The following WASL variants were observed in gnomAD, a reference collection of about 807,000 sequenced individuals.
WASL encodes the protein actin nucleation-promoting factor WASL.
Under a neutral mutation model 55.5 loss-of-function variants are expected in WASL, and 20 were observed. The observed-to-expected ratio is 0.36, with a 90% CI of 0.25 to 0.52. The LOEUF (loss-of-function observed/expected upper bound fraction) is 0.52, where lower values mean the gene tolerates loss of function less well. Among genes scored for constraint, WASL ranks in the 20% least tolerant of loss-of-function variants. The pLI is 0.92. For missense variants in WASL, 504 were observed against 622.5 expected, an observed-to-expected ratio of 0.81 and a Z score of 2.03; for synonymous variants, 249 against 217.6, an observed-to-expected ratio of 1.14 and a Z score of -1.27.
chr7:123,742,717 TCTA>T (rs1804364740), intron 1 of WASL, among the ~76,000 whole-genome samples: 2 of 152,198 alleles, frequency 1.3e-5, no homozygotes, highest in Non-Finnish European at 2.9e-5. Flanking sequence ...AGTTGGTAAT[TCTA>T]CTACTAATGC....
intron 10 of WASL, among the ~76,000 whole-genome samples, chr7:123,684,961 C>T (rs149057453): frequency 2.2e-4 from 34 of 152,088 alleles, no homozygotes; most frequent in African/African-American, 7.9e-4. Flanking sequence ...TCTTTTCCTG[C>T]TCCATCCTGG....
intron 7 of WASL, 127 bp downstream of exon 7, chr7:123,695,696 C>G: frequency 2.4e-6 from 2 of 838,610 alleles, no homozygotes; most frequent in South Asian, 1.7e-5. Flanking sequence ...CAGTTGTATA[C>G]ATACATAAAA....
At chr7:123,717,224 C>A (rs10251513) in intron 1 of WASL, among the ~76,000 whole-genome samples, 3,005 of 152,202 alleles carry the variant, frequency 0.02, 98 homozygotes, top group African/African-American at 0.068. Context: ...GGAAAAACTC[C>A]AAACAGACAT....
At chr7:123,688,535 T>C (rs181118243) in intron 10 of WASL, among the ~76,000 whole-genome samples, 1 of 152,220 alleles carries the variant, frequency 6.6e-6, no homozygotes, top group East Asian at 1.9e-4. Context: ...AACTTTTTTG[T>C]ATTTTTAGTA....
At chr7:123,688,044 T>G (rs1803323958) in intron 10 of WASL, among the ~76,000 whole-genome samples, 1 of 152,180 alleles carries the variant, frequency 6.6e-6, no homozygotes, top group African/African-American at 2.4e-5. Flanking sequence ...AGAGATTAAA[T>G]AAATCTAAGA....
At chr7:123,725,723 A>C (rs1055126075) in intron 1 of WASL, among the ~76,000 whole-genome samples, 1 of 152,172 alleles carries the variant, frequency 6.6e-6, no homozygotes, top group Non-Finnish European at 1.5e-5. Flanking sequence ...CCGTTGTCAC[A>C]GAGGTAGAAA....
intron 1 of WASL, among the ~76,000 whole-genome samples, chr7:123,728,763 G>A (rs1270800138): frequency 6.6e-6 from 1 of 151,980 alleles, no homozygotes; most frequent in African/African-American, 2.4e-5. Flanking sequence ...TTGAACGTGG[G>A]TGGCGGAGTT....
intron 5 of WASL, among the ~76,000 whole-genome samples, chr7:123,699,303 G>A (rs1803540499): frequency 1.3e-5 from 2 of 152,134 alleles, no homozygotes; most frequent in South Asian, 2.1e-4. Flanking sequence ...ACTTGAACCT[G>A]GGAGGCAGAG....
At chr7:123,708,668 G>A (rs558142621) in intron 2 of WASL, among the ~76,000 whole-genome samples, 1 of 152,154 alleles carries the variant, frequency 6.6e-6, no homozygotes, top group African/African-American at 2.4e-5. Flanking sequence ...ATATTGAAAT[G>A]TTTTAAACCT....
intron 1 of WASL, among the ~76,000 whole-genome samples, chr7:123,718,694 C>T (rs1381132460): frequency 1.3e-5 from 2 of 152,056 alleles, no homozygotes; most frequent in Non-Finnish European, 2.9e-5. Context: ...CATGCCCAGC[C>T]CCATATAATA....
At chr7:123,731,803 A>G (rs934202925) in intron 1 of WASL, among the ~76,000 whole-genome samples, 1 of 152,198 alleles carries the variant, frequency 6.6e-6, no homozygotes, top group Admixed American at 6.5e-5. Context: ...AATGTGCTAG[A>G]AAAGAAAAAG....
intron 9 of WASL, among the ~76,000 whole-genome samples, chr7:123,689,672 A>G (rs1340924995): frequency 6.6e-6 from 1 of 152,156 alleles, no homozygotes; most frequent in African/African-American, 2.4e-5. Flanking sequence ...CTCATAGTAT[A>G]TAATTTCTTT....
At position 123,692,330 on chromosome 7, in the gene WASL, A is replaced by C; in HGVS notation, c.1347+17T>G. 6.3e-7 allele frequency: 1 copy of C among 1,585,032 alleles called. No homozygotes were observed. Among genetic ancestry groups the C allele is most frequent in the Non-Finnish European group, 8.5e-7 (1 of 1,173,550 alleles). On this transcript the variant is annotated intron_variant, in intron 9 of 10. Transcript: ENST00000223023. ...ATGATAAAGGATCTAAAATGAAAAAAAAAAAAGCTTACTTACAGATTTTAG... is the reference window on the plus strand; with the variant it reads ...ATGATAAAGGATCTAAAATGAAAAACAAAAAAGCTTACTTACAGATTTTAG...
At chr7:123,743,291 C>T (rs975225291) in intron 1 of WASL, among the ~76,000 whole-genome samples, 5 of 147,958 alleles carry the variant, frequency 3.4e-5, no homozygotes, top group African/African-American at 7.5e-5. Flanking sequence ...GAGCCGAGAT[C>T]GTGCCACTGC....
intron 1 of WASL, among the ~76,000 whole-genome samples, chr7:123,710,818 C>T (rs1384106530): frequency 6.6e-6 from 1 of 152,146 alleles, no homozygotes; most frequent in Non-Finnish European, 1.5e-5. Context: ...GCTCAAAACA[C>T]ACTTGTGTTT....
intron 5 of WASL, among the ~76,000 whole-genome samples, chr7:123,700,865 A>G (rs914691645): frequency 6.6e-6 from 1 of 152,236 alleles, no homozygotes; most frequent in African/African-American, 2.4e-5. Flanking sequence ...CTGTGGTCCA[A>G]CAAGTCATTA....
chr7:123,711,474 C>T (rs993124142), intron 1 of WASL, among the ~76,000 whole-genome samples: 1 of 152,122 alleles, frequency 6.6e-6, no homozygotes, highest in Non-Finnish European at 1.5e-5. Flanking sequence ...AAAAAATTTG[C>T]TACACTCTTA....
intron 1 of WASL, among the ~76,000 whole-genome samples, chr7:123,721,507 A>C (rs1803942460): frequency 6.6e-6 from 1 of 151,742 alleles, no homozygotes; most frequent in Non-Finnish European, 1.5e-5. Context: ...TACATTACAC[A>C]CAAGAGCTAG....
At chr7:123,705,195 T>C (rs1159784237) in intron 4 of WASL, among the ~76,000 whole-genome samples, 1 of 151,920 alleles carries the variant, frequency 6.6e-6, no homozygotes, top group Non-Finnish European at 1.5e-5. Flanking sequence ...GCAGCAGAAA[T>C]GGTAAGAAAT....
Sources: allele counts gnomAD v4.1 joint callset (sites outside exome capture counted in the v4.1 genomes callset), GRCh38; gene constraint gnomAD v4.1.1; transcripts MANE v1.5; gene names NCBI Gene and HGNC (gene_info 2026-07-23, HGNC 2026-07-21).